The following CLEC12A variants were observed in gnomAD, a reference collection of about 807,000 sequenced individuals.
The protein encoded by CLEC12A is C-type lectin domain family 12 member A.
In CLEC12A, 22 loss-of-function variants were observed where a neutral mutation model predicts 26.5. The ratio of observed to expected loss-of-function variants is 0.83; its 90% CI spans 0.59 to 1.19. The LOEUF (loss-of-function observed/expected upper bound fraction) is 1.19, where lower values mean the gene tolerates loss of function less well. Among genes scored for constraint, CLEC12A ranks in the 50% most tolerant of loss-of-function variants. CLEC12A has a pLI of 0.00. For synonymous variants in CLEC12A, 119 were observed against 101.9 expected, an observed-to-expected ratio of 1.17 and a Z score of -1.01; for missense variants, 353 against 315.6, an observed-to-expected ratio of 1.12 and a Z score of -0.90.
chr12:10,004,774 T>C, the CLEC12A span, among the ~76,000 whole-genome samples: 1 of 151,960 alleles, frequency 6.6e-6, no homozygotes. Flanking sequence ...TATAAATATA[T>C]ATATATAACA....
rs201814153 is a variant in CLEC12A, at chr12:9,958,983, A to AT, written c.10+7627_10+7628insT. Among the ~76,000 whole-genome samples the AT allele has an allele frequency of 6.2e-3, 951 of 152,350 alleles. 15 individuals are homozygous for AT. The highest frequency in any genetic ancestry group is 0.02 in the African/African-American group (836 of 41,580). ...CACACAGACATATAACTTAGAAGGT[A>AT]ATAAGCTCTGGAAGACTTTGTAATT... On this transcript the variant is annotated intron_variant, in intron 1 of 6. Transcript: ENST00000355690.
the CLEC12A span, among the ~76,000 whole-genome samples, chr12:10,002,439 T>TG: frequency 2.0e-4 from 6 of 30,098 alleles, no homozygotes; most frequent in East Asian, 3.8e-3. Context: ...AGTTGGGTAA[T>TG]GTTTTTTTTT....
intron 1 of CLEC12A, among the ~76,000 whole-genome samples, chr12:9,957,942 T>C (rs34183666): frequency 0.31 from 47,779 of 152,098 alleles, 7,941 homozygotes; most frequent in East Asian, 0.47. Context: ...TGGGTCAGGC[T>C]TTGAGGCCAA....
At chr12:9,993,392 AT>A in intron 4 of CLEC12A, 1 of 700,610 alleles carries the variant, frequency 1.4e-6, no homozygotes, top group South Asian at 1.6e-5. Context: ...ACTGAGGAAA[AT>A]AGGAAAAAAA....
chr12:9,980,470 A>C (rs1215618821), intron 3 of CLEC12A, 112 bp from the exon 4 acceptor site: 14 of 1,127,786 alleles, frequency 1.2e-5, no homozygotes, highest in Non-Finnish European at 1.6e-5. Context: ...AGAAAGAAAA[A>C]GAAAGAAGAA....
chr12:9,985,958 C>T, downstream of CLEC12A: 2 of 179,486 alleles, frequency 1.1e-5, no homozygotes, highest in Non-Finnish European at 2.4e-5. Context: ...TGACCTTGAC[C>T]TAATTTTTTT....
chr12:9,974,909 G>A (rs1017264097), intron 1 of CLEC12A, among the ~76,000 whole-genome samples: 1 of 152,200 alleles, frequency 6.6e-6, no homozygotes, highest in Non-Finnish European at 1.5e-5. Flanking sequence ...CATGGTGGGA[G>A]GTAATTGAAT....
Position 9,984,880 on chromosome 12 carries a change from A to G in CLEC12A, c.652A>G (p.Asn218Asp). ...TACTTTCTCTTTCAGGGTTATAAGA[A>G]ACGCACCTGACTTAAATAACATGTA... ...IINSSAWVIR[N>D]APDLNNMYCG... Residue 218 changes from asparagine (N) to aspartate (D), a missense_variant, in exon 6 of 6, where the codon AAC becomes GAC. By Grantham distance (23) the Asn-to-Asp change is conservative. Transcript: ENST00000304361. The G allele has an allele frequency of 6.6e-7, 1 of 1,520,820 alleles. No homozygotes were observed. Among genetic ancestry groups the G allele is most frequent in the Admixed American group, 2.0e-5 (1 of 48,830 alleles). The allele number at this position is 1,520,820 out of a possible 1,614,324, so 94.2% of individuals were successfully genotyped here.
rs75293853 is a variant in CLEC12A, at chr12:9,985,322, G to T, written c.*296G>T. On this transcript the variant is annotated 3_prime_UTR_variant, in exon 6 of 6. Coordinates refer to ENST00000304361, the MANE Select transcript of CLEC12A (RefSeq NM_138337.6). ...CCTTCGAATTTTCATTTTCATTTAC[G>T]TTCTTCCCCTTCTGGCCAAGATTTG... The T allele has an allele frequency of 1.5e-5, 6 of 398,896 alleles. No individual in the cohort carries two copies. The highest frequency in any genetic ancestry group is 3.6e-5 in the East Asian group (1 of 28,032). The allele number at this position is 398,896 out of a possible 1,614,324, so 24.7% of individuals were successfully genotyped here.
intron 5 of CLEC12A, among the ~76,000 whole-genome samples, chr12:9,982,547 A>G (rs758335756): frequency 3.3e-5 from 5 of 152,166 alleles, no homozygotes; most frequent in Admixed American, 6.6e-5. Flanking sequence ...AAGAGAATAT[A>G]GTGTGATAAA....
chr12:10,004,921 C>T, the CLEC12A span, among the ~76,000 whole-genome samples: 5 of 150,530 alleles, frequency 3.3e-5, no homozygotes, highest in East Asian at 2.0e-4. Context: ...CCCACTCCCC[C>T]GACCCCACGA....
chr12:9,955,819 C>T (rs1482893587), intron 1 of CLEC12A, among the ~76,000 whole-genome samples: 1 of 152,150 alleles, frequency 6.6e-6, no homozygotes, highest in East Asian at 1.9e-4. Context: ...AGAGTCCCAT[C>T]TCGAAAACCT....
intron 4 of CLEC12A, chr12:9,994,960 G>A (rs2137235853): frequency 6.8e-7 from 1 of 1,474,194 alleles, no homozygotes; most frequent in East Asian, 2.7e-5. Context: ...AAAGAGCAAA[G>A]TAATGGGAGA....
At chr12:9,992,324 T>C (rs1171685486) in intron 4 of CLEC12A, 1 of 152,138 alleles carries the variant, frequency 6.6e-6, no homozygotes, top group Non-Finnish European at 1.5e-5. Context: ...TTTCCTTCTC[T>C]AGCGCAGAAA....
At chr12:9,980,838 G>T in intron 4 of CLEC12A, 105 bp downstream of exon 4, 1 of 1,202,014 alleles carries the variant, frequency 8.3e-7, no homozygotes, top group Non-Finnish European at 1.2e-6. Context: ...CAGTTGGGGT[G>T]TGAAGTGACT....
At chr12:9,955,056 A>C (rs781160294) in intron 1 of CLEC12A, among the ~76,000 whole-genome samples, 1 of 152,282 alleles carries the variant, frequency 6.6e-6, no homozygotes, top group East Asian at 1.9e-4. Context: ...AAACTTTTGC[A>C]TTATTGGTGC....
the CLEC12A span, among the ~76,000 whole-genome samples, chr12:10,005,371 C>T: frequency 0.38 from 57,429 of 151,708 alleles, 11,146 homozygotes; most frequent in African/African-American, 0.41. Flanking sequence ...TCGTTGTGCT[C>T]ATGAGGATTG....
At chr12:9,977,096 A>G (rs979980470) in intron 1 of CLEC12A, among the ~76,000 whole-genome samples, 5 of 152,124 alleles carry the variant, frequency 3.3e-5, no homozygotes, top group African/African-American at 1.2e-4. Flanking sequence ...AACCCTAAAG[A>G]TGGTGTTTTG....
At chr12:9,999,180 T>C (rs373139919), downstream of CLEC12A, 28 of 880,838 alleles carry the variant, frequency 3.2e-5, 1 homozygote, top group Middle Eastern at 4.3e-4. Flanking sequence ...TTTCAGTATC[T>C]GTCAGTTTAT....
Sources: gnomAD v4.1 joint callset for allele counts (sites outside exome capture counted in the v4.1 genomes callset) on GRCh38, gnomAD v4.1.1 for gene constraint, MANE v1.5 for transcripts, NCBI Gene and HGNC (gene_info 2026-07-23, HGNC 2026-07-21) for gene names.